Variants in MCTP1 observed in about 807,000 individuals in gnomAD.
MCTP1 encodes multiple C2 and transmembrane domain containing 1.
In MCTP1, 69 loss-of-function variants were observed where a neutral mutation model predicts 120.6. The observed-to-expected ratio is 0.57, with a 90% CI of 0.47 to 0.70. MCTP1 has a LOEUF of 0.70. MCTP1 is among the 30% of genes least tolerant of loss of function. MCTP1 has a pLI of 0.00. For synonymous variants in MCTP1, 529 were observed against 493.1 expected (o/e 1.07, Z -0.96); for missense variants, 1,203 against 1,248.8 (o/e 0.96, Z 0.55).
intron 1 of MCTP1, among the ~76,000 whole-genome samples, chr5:95,158,131 A>G (rs1446167128): frequency 6.6e-6 from 1 of 152,230 alleles, no homozygotes; most frequent in Non-Finnish European, 1.5e-5. Context: ...AATGTTACAT[A>G]TTGAGCCTGG....
intron 1 of MCTP1, among the ~76,000 whole-genome samples, chr5:95,221,698 CTGTT>C (rs1276617444): frequency 1.3e-5 from 2 of 152,138 alleles, no homozygotes; most frequent in Non-Finnish European, 2.9e-5. Context: ...CCCACTATAC[CTGTT>C]GGTTGTTTCA....
chr5:94,927,401 C>A (rs1813418880), intron 6 of MCTP1, among the ~76,000 whole-genome samples: 1 of 152,008 alleles, frequency 6.6e-6, no homozygotes, highest in Non-Finnish European at 1.5e-5. Context: ...AAGTAAAAAT[C>A]TTTTAAAATA....
At position 94,947,944 on chromosome 5, in the gene MCTP1, A is replaced by G. The variant is rs75992594; in HGVS notation, c.981+5275T>C. 1.1e-4 allele frequency among the ~76,000 whole-genome samples: 17 copies of G among 152,156 alleles called. 1 individual carries two copies. The East Asian group carries it at 3.3e-3, about 29-fold the overall frequency. ...TTTGAAACCATATTAGAGCTTCTTTAAAGGCCTAACCCATCTCATGAGATC... is the reference window on the plus strand; with the variant it reads ...TTTGAAACCATATTAGAGCTTCTTTGAAGGCCTAACCCATCTCATGAGATC... On this transcript the variant is annotated intron_variant, in intron 3 of 22. Transcript: ENST00000515393.
intron 1 of MCTP1, among the ~76,000 whole-genome samples, chr5:95,255,862 A>G (rs985248459): frequency 1.1e-4 from 16 of 152,134 alleles, no homozygotes; most frequent in African/African-American, 3.9e-4. Flanking sequence ...AGAAATCAGT[A>G]AGTCACTGCC....
At chr5:94,934,077 T>C (rs1815505371) in intron 5 of MCTP1, among the ~76,000 whole-genome samples, 1 of 151,816 alleles carries the variant, frequency 6.6e-6, no homozygotes, top group African/African-American at 2.4e-5. Context: ...TTCTGCCTCT[T>C]GAGCCAAATC....
chr5:95,137,205 C>G (rs189089948), intron 1 of MCTP1, among the ~76,000 whole-genome samples: 3 of 152,270 alleles, frequency 2.0e-5, no homozygotes, highest in East Asian at 1.9e-4. Flanking sequence ...CTAGAGGAGG[C>G]AGGAAGCTTG....
At chr5:95,019,004 T>C (rs1379575843) in intron 1 of MCTP1, among the ~76,000 whole-genome samples, 3 of 152,112 alleles carry the variant, frequency 2.0e-5, no homozygotes, top group Non-Finnish European at 4.4e-5. Flanking sequence ...TTTTTGTGGT[T>C]GGGCTTTCAG....
At chr5:95,047,774 T>C (rs1744939330) in intron 1 of MCTP1, among the ~76,000 whole-genome samples, 1 of 152,062 alleles carries the variant, frequency 6.6e-6, no homozygotes. Flanking sequence ...TTCCCCTTTC[T>C]CCCACCCTCT....
chr5:95,198,352 A>G (rs949785389), intron 1 of MCTP1, among the ~76,000 whole-genome samples: 1 of 152,156 alleles, frequency 6.6e-6, no homozygotes, highest in Non-Finnish European at 1.5e-5. Context: ...TAAAAATGAT[A>G]CACATTCAGT....
At chr5:95,134,237 A>AT (rs1759270495) in intron 1 of MCTP1, among the ~76,000 whole-genome samples, 1 of 152,152 alleles carries the variant, frequency 6.6e-6, no homozygotes, top group Non-Finnish European at 1.5e-5. Context: ...TTGAAACTCT[A>AT]TTTTTCATGA....
At chr5:95,241,270 C>T (rs1221126606) in intron 1 of MCTP1, among the ~76,000 whole-genome samples, 1 of 152,134 alleles carries the variant, frequency 6.6e-6, no homozygotes, top group Non-Finnish European at 1.5e-5. Flanking sequence ...TCAGTCTTTC[C>T]ACACAAGTCA....
chr5:95,094,289 T>C (rs1176245507), intron 1 of MCTP1, among the ~76,000 whole-genome samples: 1 of 152,214 alleles, frequency 6.6e-6, no homozygotes, highest in African/African-American at 2.4e-5. Flanking sequence ...ATGTCCAAGA[T>C]CTTTCTCTTT....
intron 2 of MCTP1, among the ~76,000 whole-genome samples, chr5:94,982,762 G>T (rs71641034): frequency 6.6e-6 from 1 of 151,714 alleles, no homozygotes; most frequent in South Asian, 2.1e-4. Flanking sequence ...GGTGGTGCAT[G>T]CCTGTAGTCC....
intron 17 of MCTP1, among the ~76,000 whole-genome samples, chr5:94,848,344 T>C (rs1164276040): frequency 2.0e-5 from 3 of 152,130 alleles, no homozygotes; most frequent in Admixed American, 1.3e-4. Flanking sequence ...TCCAAGTCAC[T>C]CAAGTTACTT....
intron 1 of MCTP1, among the ~76,000 whole-genome samples, chr5:95,237,448 TACATTAAGA>T (rs1562265855): frequency 6.6e-6 from 1 of 152,156 alleles, no homozygotes; most frequent in African/African-American, 2.4e-5. Flanking sequence ...CTCAAACCAG[TACATTAAGA>T]ACTGCTTCAG....
At position 95,216,420 on chromosome 5, in the gene MCTP1, C is replaced by T. The variant is rs556771329; in HGVS notation, c.720+67436G>A. ...AGAATTACTAAGAAACTACTCTATCCTGTAGGTTGTCCATTTTCCACAGCT... is the reference window on the plus strand; with the variant it reads ...AGAATTACTAAGAAACTACTCTATCTTGTAGGTTGTCCATTTTCCACAGCT... On this transcript the variant is annotated intron_variant, in intron 1 of 22. Transcript: ENST00000515393. Among the ~76,000 whole-genome samples the T allele has an allele frequency of 2.6e-5, 4 of 152,292 alleles. No individual in the cohort carries two copies. The South Asian group carries it at 8.3e-4, about 32-fold the overall frequency.
chr5:94,812,948 G>A (rs917641917), intron 17 of MCTP1, among the ~76,000 whole-genome samples: 1 of 151,782 alleles, frequency 6.6e-6, no homozygotes, highest in African/African-American at 2.4e-5. Flanking sequence ...GTGTGTGTGC[G>A]TGCGTGTATA....
rs117630504 is a variant in MCTP1 at position 94,981,957 on chromosome 5, T to G, written c.839-28596A>C. ...AAATGAATAATCAGGAAAAAATGTT[T>G]TAAGGTTGCCTTGTCTGATGTCAAG... On this transcript the variant is annotated intron_variant, in intron 2 of 22. Coordinates refer to ENST00000515393, the MANE Select transcript of MCTP1 (RefSeq NM_024717.7). Among the ~76,000 whole-genome samples, 1,512 of 152,254 alleles carry G rather than the reference T, an allele frequency of 9.9e-3. 5 individuals carry two copies. Among genetic ancestry groups the G allele is most frequent in the Non-Finnish European group, 0.014 (958 of 68,012 alleles).
intron 17 of MCTP1, among the ~76,000 whole-genome samples, chr5:94,839,077 C>T (rs1377612377): frequency 2.6e-5 from 4 of 152,092 alleles, no homozygotes; most frequent in Non-Finnish European, 5.9e-5. Flanking sequence ...ATCAACCAAC[C>T]AACCAATGAA....
Sources: allele counts gnomAD v4.1 joint callset (sites outside exome capture counted in the v4.1 genomes callset), GRCh38; gene constraint gnomAD v4.1.1; transcripts MANE v1.5; gene names NCBI Gene and HGNC (gene_info 2026-07-23, HGNC 2026-07-21).